CD300E: variants seen among roughly 807,000 people sequenced by gnomAD.
CD300E encodes CD300e molecule.
CD300E carries 14 observed loss-of-function variants against 20.9 expected under a neutral mutation model. That is an observed-to-expected ratio of 0.67 (90% confidence interval 0.44 to 1.05). CD300E has a LOEUF of 1.05. Among genes scored for constraint, CD300E ranks in the 50% least tolerant of loss-of-function variants. CD300E has a pLI of 0.00. For missense variants in CD300E, 237 were observed against 253.9 expected (o/e 0.93, Z 0.45); for synonymous variants, 102 against 103.7 (o/e 0.98, Z 0.10).
intron 3 of CD300E, 55 bp downstream of exon 3, chr17:74,613,870 C>T (rs538531615): frequency 8.0e-7 from 1 of 1,244,442 alleles, no homozygotes; most frequent in East Asian, 2.4e-5. Context: ...CCCCCACCCC[C>T]CAGCTTCCAC....
chr17:74,623,420 G>C (rs1480899620), intron 1 of CD300E, among the ~76,000 whole-genome samples, 162 bp downstream of exon 1: 1 of 152,186 alleles, frequency 6.6e-6, no homozygotes, highest in Non-Finnish European at 1.5e-5. Context: ...TAGGATCCGT[G>C]GATGAATGAT....
At chr17:74,615,080 G>A (rs550130850) in intron 2 of CD300E, among the ~76,000 whole-genome samples, 1 of 152,208 alleles carries the variant, frequency 6.6e-6, no homozygotes, top group African/African-American at 2.4e-5. Flanking sequence ...ATAAACAGAC[G>A]GACTCACTTC....
intron 2 of CD300E, among the ~76,000 whole-genome samples, chr17:74,615,311 T>C (rs1224706503): frequency 6.6e-6 from 1 of 151,806 alleles, no homozygotes; most frequent in Non-Finnish European, 1.5e-5. Context: ...GCAGGGGAAT[T>C]TGGTTCAAGA....
At chr17:74,622,222 G>A (rs1223808761) in intron 1 of CD300E, among the ~76,000 whole-genome samples, 3 of 151,992 alleles carry the variant, frequency 2.0e-5, no homozygotes, top group African/African-American at 7.2e-5. Context: ...GACCTGCGCA[G>A]GTCACATTGC....
Position 74,612,923 on chromosome 17 carries a change from G to C in CD300E, c.498-150C>G. The C allele has an allele frequency of 2.8e-6, 3 of 1,082,864 alleles. No individual in the cohort carries two copies. The South Asian group carries it at 4.8e-5, about 17-fold the overall frequency. 67.1% of individuals were successfully genotyped at this position (1,082,864 alleles called of 1,614,324 possible). ...CTATGCCAGGGCAGCCCCTTCTGTG[G>C]CCCCCATCCCTCCTTCTCCCTCCAT... is the stretch of plus-strand genomic sequence containing the variant. On this transcript the variant is annotated intron_variant, in intron 3 of 3. Coordinates refer to ENST00000392619, the MANE Select transcript of CD300E (RefSeq NM_181449.3).
chr17:74,623,689 G>C lies in CD300E; in HGVS notation c.-68C>G. The stretch of plus-strand genomic sequence containing the variant: ...CAGCTGGAATCCAAGTATATGTAAC[G>C]GAGCCTGGGTCATCCACTTTCTACT... On this transcript the variant is annotated 5_prime_UTR_variant, in exon 1 of 4. Coordinates refer to ENST00000392619, the MANE Select transcript of CD300E (RefSeq NM_181449.3). 1 of 1,529,258 alleles carries C rather than the reference G, an allele frequency of 6.5e-7. No homozygotes were observed. The highest frequency in any genetic ancestry group is 9.1e-7 in the Non-Finnish European group (1 of 1,102,588). 94.7% of individuals were successfully genotyped at this position (1,529,258 alleles called of 1,614,324 possible).
chr17:74,617,449 C>A lies in CD300E; in HGVS notation c.57G>T (p.Lys19Asn). 1 of 1,613,038 alleles carries A rather than the reference C, an allele frequency of 6.2e-7. No homozygotes were observed. The highest frequency in any genetic ancestry group is 1.3e-5 in the African/African-American group (1 of 74,998). Reference protein sequence around the residue: ...LLCLSGCLSLKGPGSVTGTAG... With the variant: ...LLCLSGCLSLNGPGSVTGTAG... The stretch of plus-strand genomic sequence containing the variant: ...CAGTGCCAGTCACAGAGCCGGGGCC[C>A]TTCAGAGACAAACAGCCTGGAAAAC... Residue 19 changes from lysine to asparagine, a missense_variant, in exon 2 of 4, where the codon AAG becomes AAT. Coordinates refer to ENST00000392619, the MANE Select transcript of CD300E (RefSeq NM_181449.3).
At chr17:74,620,372 T>C (rs984227707) in intron 1 of CD300E, among the ~76,000 whole-genome samples, 9 of 152,134 alleles carry the variant, frequency 5.9e-5, no homozygotes, top group Non-Finnish European at 1.2e-4. Context: ...CTTGGGAGGC[T>C]GAAGGTGAGA....
chr17:74,612,443 G>C lies in CD300E; in HGVS notation c.*210C>G, dbSNP rs140517260. 2 of 481,198 alleles carry C rather than the reference G, an allele frequency of 4.2e-6. No individual in the cohort carries two copies. The highest frequency in any genetic ancestry group is 7.1e-6 in the Non-Finnish European group (2 of 281,222). 29.8% of individuals were successfully genotyped at this position (481,198 alleles called of 1,614,324 possible). A position where few individuals can be genotyped will look rare whatever the true frequency, so the allele number is the denominator to read the frequency against. On this transcript the variant is annotated 3_prime_UTR_variant, in exon 4 of 4. Transcript: ENST00000392619. ...AAGTGGGCATGAGGGCAGGGAGGCA[G>C]GGGACTGGGGAGGAGAAAGGAGGAC...
intron 2 of CD300E, among the ~76,000 whole-genome samples, chr17:74,615,136 G>A (rs1467850831): frequency 6.6e-6 from 1 of 152,240 alleles, no homozygotes; most frequent in Non-Finnish European, 1.5e-5. Context: ...TGCAATGGGA[G>A]CACAGGGGAG....
intron 3 of CD300E, 34 bp downstream of exon 3, chr17:74,613,891 C>T: frequency 1.3e-6 from 2 of 1,507,698 alleles, no homozygotes; most frequent in Non-Finnish European, 1.8e-6. Flanking sequence ...CCCAGGGTTG[C>T]TCCCTCCATG....
At position 74,623,578 on chromosome 17, in the gene CD300E, T is replaced by A; in HGVS notation, c.40+4A>T. ...CAAGTCCCCAAAGCCACAGCCCCACTCACCTGAGAGGCAGAGAAGGAGTAG... is the reference window on the plus strand; with the variant it reads ...CAAGTCCCCAAAGCCACAGCCCCACACACCTGAGAGGCAGAGAAGGAGTAG... On this transcript the variant is annotated splice_donor_region_variant and intron_variant, in intron 1 of 3. Transcript: ENST00000392619. 1 of 1,614,008 alleles carries A rather than the reference T, an allele frequency of 6.2e-7. No homozygotes were observed. Among genetic ancestry groups the A allele is most frequent in the Non-Finnish European group, 8.5e-7 (1 of 1,179,992 alleles).
At chr17:74,620,279 C>G (rs1006569815) in intron 1 of CD300E, among the ~76,000 whole-genome samples, 5 of 152,172 alleles carry the variant, frequency 3.3e-5, no homozygotes, top group African/African-American at 1.2e-4. Flanking sequence ...CGAAACCAGC[C>G]TGGCTAGCAT....
chr17:74,610,920 T>A lies in CD300E; in HGVS notation c.*1733A>T, dbSNP rs1430023689. ...TGTTTCTCTGTCCTCTCTCTCTCCCTGTTGCTCCATCCCTGCTCCGCTGAA... is the reference window on the plus strand; with the variant it reads ...TGTTTCTCTGTCCTCTCTCTCTCCCAGTTGCTCCATCCCTGCTCCGCTGAA... On this transcript the variant is annotated 3_prime_UTR_variant, in exon 4 of 4. Coordinates refer to ENST00000392619, the MANE Select transcript of CD300E (RefSeq NM_181449.3). The A allele has an allele frequency of 6.6e-6, 1 of 152,508 alleles. No individual in the cohort carries two copies. The highest frequency in any genetic ancestry group is 6.5e-5 in the Admixed American group (1 of 15,284). 9.4% of individuals were successfully genotyped at this position (152,508 alleles called of 1,614,324 possible).
intron 1 of CD300E, chr17:74,619,263 G>A (rs2030969725): frequency 2.4e-6 from 1 of 408,254 alleles, no homozygotes; most frequent in Non-Finnish European, 5.0e-6. Flanking sequence ...GCCGGGGCCT[G>A]CTTGTGCTGC....
intron 3 of CD300E, among the ~76,000 whole-genome samples, chr17:74,613,422 C>T (rs1190582123): frequency 6.6e-6 from 1 of 152,216 alleles, no homozygotes; most frequent in Non-Finnish European, 1.5e-5. Flanking sequence ...CTGTTCCACT[C>T]CAGCTCCTTG....
chr17:74,616,182 G>A (rs894391437), intron 2 of CD300E, among the ~76,000 whole-genome samples: 12 of 152,124 alleles, frequency 7.9e-5, no homozygotes, highest in Admixed American at 1.3e-4. Context: ...ATAAATTGGC[G>A]GAAATGGAGG....
rs555478716 is a variant in CD300E, at chr17:74,620,523, G to A, written c.41-3058C>T. On this transcript the variant is annotated intron_variant, in intron 1 of 3. Coordinates refer to ENST00000392619, the MANE Select transcript of CD300E (RefSeq NM_181449.3). ...CCGAGCATGGTGGTGTGCACCTGTAGTCCCAGCTACTCAGGAGGCTGAGGC... is the reference window on the plus strand; with the variant it reads ...CCGAGCATGGTGGTGTGCACCTGTAATCCCAGCTACTCAGGAGGCTGAGGC... Among the ~76,000 whole-genome samples the A allele has an allele frequency of 6.3e-4, 96 of 152,016 alleles. 1 individual carries two copies. Among genetic ancestry groups the A allele is most frequent in the African/African-American group, 2.1e-3 (86 of 41,460 alleles).
chr17:74,617,011 C>G (rs1051223473), intron 2 of CD300E, 107 bp downstream of exon 2: 1 of 960,644 alleles, frequency 1.0e-6, no homozygotes, highest in Admixed American at 2.0e-5. Context: ...ACCACTGTGA[C>G]TGAGGACAAG....
Sources: gnomAD v4.1 joint callset for allele counts (sites outside exome capture counted in the v4.1 genomes callset) on GRCh38, gnomAD v4.1.1 for gene constraint, MANE v1.5 for transcripts, NCBI Gene and HGNC (gene_info 2026-07-23, HGNC 2026-07-21) for gene names.